The following STS variants were observed in gnomAD, a reference collection of about 807,000 sequenced individuals.
STS encodes the protein steryl-sulfatase.
STS carries 7 observed loss-of-function variants against 26.8 expected under a neutral mutation model. The ratio of observed to expected loss-of-function variants is 0.26; its 90% CI spans 0.15 to 0.49. STS has a LOEUF of 0.49. Ranked by LOEUF, STS falls within the 20% of genes least tolerant of loss-of-function variation. The pLI is 0.98. For synonymous variants in STS, 199 were observed against 189.4 expected (o/e 1.05, Z -0.42); for missense variants, 434 against 465.6 (o/e 0.93, Z 0.63).
chrX:7,182,067 C>G (rs1195850668), intron 1 of STS, among the ~76,000 whole-genome samples: 2 of 111,510 alleles, frequency 1.8e-5, no homozygotes, highest in Admixed American at 1.9e-4. Flanking sequence ...CAGTGAGTCC[C>G]CCTGTCTCAA....
In STS at chrX:7,275,896, AC is replaced by A. The variant is rs751504221; in HGVS notation, c.807-54del. 6.5e-5 allele frequency: 74 copies of A among 1,137,045 alleles called. No individual in the cohort carries two copies. In the East Asian group the frequency reaches 2.4e-3, roughly 37 times the overall value. 93.7% of individuals were successfully genotyped at this position (1,137,045 alleles called of 1,213,427 possible). A position where few individuals can be genotyped will look rare whatever the true frequency, so the allele number is the denominator to read the frequency against. On this transcript the variant is annotated intron_variant, in intron 6 of 10. Coordinates refer to ENST00000674429, the MANE Select transcript of STS (RefSeq NM_001320752.2). The stretch of plus-strand genomic sequence containing the variant: ...TCTTAATCAGAATGGTGGCAGACAT[AC>A]TTAACATTATCTGTGGTCTTTTTTT...
intron 1 of STS, among the ~76,000 whole-genome samples, chrX:7,157,479 A>C (rs944856238): frequency 3.6e-5 from 4 of 111,953 alleles, no homozygotes; most frequent in Non-Finnish European, 7.5e-5. Flanking sequence ...AACATCAGGT[A>C]GGTTCAACTC....
intron 8 of STS, among the ~76,000 whole-genome samples, chrX:7,311,794 G>A (rs1926489834): frequency 8.9e-6 from 1 of 112,356 alleles, no homozygotes; most frequent in Non-Finnish European, 1.9e-5. Context: ...AATCTGCAGT[G>A]AGCTATGATT....
At chrX:7,150,144 A>G (rs747351161) in intron 1 of STS, among the ~76,000 whole-genome samples, 6 of 112,135 alleles carry the variant, frequency 5.4e-5, no homozygotes, top group Non-Finnish European at 1.1e-4. Flanking sequence ...CACATGTCAG[A>G]GTTACTGTTA....
intron 2 of STS, among the ~76,000 whole-genome samples, chrX:7,247,973 A>G (rs1922964839): frequency 8.9e-6 from 1 of 111,970 alleles, no homozygotes; most frequent in African/African-American, 3.2e-5. Context: ...TTTAGTGAAT[A>G]TTTATTCACT....
At position 7,191,512 on chromosome X, in the gene STS, T is replaced by C. The variant is rs140655464; in HGVS notation, c.-5+504T>C. 5.8e-3 allele frequency among the ~76,000 whole-genome samples: 649 copies of C among 112,218 alleles called. 4 individuals are homozygous for C. Among genetic ancestry groups the C allele is most frequent in the African/African-American group, 0.02 (616 of 30,907 alleles). On this transcript the variant is annotated intron_variant, in intron 2 of 10. Coordinates refer to ENST00000674429, the MANE Select transcript of STS (RefSeq NM_001320752.2). Reference sequence around the variant, plus strand: ...GAGGGACAGAATGGGGTCCCTCCTCTCAGGAAGAGCTCCTCCGCCTGGTGG... The same window carrying C: ...GAGGGACAGAATGGGGTCCCTCCTCCCAGGAAGAGCTCCTCCGCCTGGTGG...
chrX:7,253,192 A>G lies in STS; in HGVS notation c.-4-4A>G, dbSNP rs750920629. On this transcript the variant is annotated splice_polypyrimidine_tract_variant and splice_region_variant and intron_variant, in intron 2 of 10. Transcript: ENST00000674429. ...GTTCCTTTTTGTGTCCTTGTCCTTT[A>G]CAGGAAGATGAAGATCCCTTTCCTC... 1 of 1,210,668 alleles carries G rather than the reference A, an allele frequency of 8.3e-7. No individual in the cohort carries two copies.
chrX:7,163,686 A>G (rs1933293611), intron 1 of STS, among the ~76,000 whole-genome samples: 2 of 112,880 alleles, frequency 1.8e-5, no homozygotes, highest in South Asian at 7.3e-4. Context: ...CCAAAAATAG[A>G]AAAGAAAAAC....
intron 1 of STS, among the ~76,000 whole-genome samples, chrX:7,149,997 G>C (rs1290709236): frequency 9.0e-6 from 1 of 111,377 alleles, no homozygotes; most frequent in African/African-American, 3.3e-5. Context: ...TATATTTTTG[G>C]GAACACAATT....
rs1012758075 is a variant in STS, at chrX:7,353,153, A to C, written c.*2892A>C. 5.4e-5 allele frequency: 6 copies of C among 111,669 alleles called. No homozygotes were observed. The allele number at this position is 111,669 out of a possible 1,213,427, so 9.2% of individuals were successfully genotyped here. A position where few individuals can be genotyped will look rare whatever the true frequency, so the allele number is the denominator to read the frequency against. ...CTACATTTCCAACTTGATGTCAAGC[A>C]ATGGGGAATACAAGTTCCAGTTCTG... On this transcript the variant is annotated 3_prime_UTR_variant, in exon 11 of 11. Transcript: ENST00000674429.
intron 8 of STS, among the ~76,000 whole-genome samples, chrX:7,322,916 C>T (rs771941834): frequency 3.2e-4 from 36 of 112,182 alleles, no homozygotes; most frequent in East Asian, 5.6e-4. Flanking sequence ...GGTACCCTTT[C>T]GATGCTGTAT....
chrX:7,192,112 A>G (rs1933885080), intron 2 of STS, among the ~76,000 whole-genome samples: 1 of 112,020 alleles, frequency 8.9e-6, no homozygotes, highest in Non-Finnish European at 1.9e-5. Context: ...AATGGGCAGG[A>G]AGATACTTTT....
At chrX:7,324,711 C>G (rs1418729897) in intron 8 of STS, among the ~76,000 whole-genome samples, 1 of 111,430 alleles carries the variant, frequency 9.0e-6, no homozygotes, top group Non-Finnish European at 1.9e-5. Flanking sequence ...CTGTTTCCAT[C>G]ATGGACTGAA....
chrX:7,189,985 C>T (rs1385267594), intron 1 of STS, among the ~76,000 whole-genome samples: 1 of 110,298 alleles, frequency 9.1e-6, no homozygotes, highest in Non-Finnish European at 1.9e-5. Context: ...TCTAGACCAG[C>T]AGTCCCCAAC....
intron 7 of STS, among the ~76,000 whole-genome samples, chrX:7,298,696 GCCACCC>G (rs1260804797): frequency 1.8e-5 from 2 of 110,143 alleles, no homozygotes; most frequent in Non-Finnish European, 3.8e-5. Context: ...GAGAGTCGTA[GCCACCC>G]CCAGGTGGTA....
chrX:7,170,042 G>A (rs1933436192), intron 1 of STS, among the ~76,000 whole-genome samples: 1 of 111,221 alleles, frequency 9.0e-6, no homozygotes, highest in Non-Finnish European at 1.9e-5. Context: ...CTCTATTCCC[G>A]AGCAATTTAG....
At chrX:7,286,782 G>C (rs1197814304) in intron 7 of STS, among the ~76,000 whole-genome samples, 1 of 111,645 alleles carries the variant, frequency 9.0e-6, no homozygotes, top group Non-Finnish European at 1.9e-5. Flanking sequence ...GTACACTTTA[G>C]GATATGTGCT....
chrX:7,194,674 G>T (rs74663535), intron 2 of STS, among the ~76,000 whole-genome samples: 4,638 of 111,967 alleles, frequency 0.041, 122 homozygotes, highest in East Asian at 0.23. Flanking sequence ...AACAAGGGAA[G>T]TTAGCTTGTG....
At chrX:7,155,992 A>C (rs187935510) in intron 1 of STS, among the ~76,000 whole-genome samples, 1 of 110,204 alleles carries the variant, frequency 9.1e-6, no homozygotes, top group Admixed American at 9.8e-5. Flanking sequence ...CTACAAAAAA[A>C]ATACAAAAAT....
Sources: gnomAD v4.1 joint callset for allele counts (sites outside exome capture counted in the v4.1 genomes callset) on GRCh38, gnomAD v4.1.1 for gene constraint, MANE v1.5 for transcripts, NCBI Gene and HGNC (gene_info 2026-07-23, HGNC 2026-07-21) for gene names.